Variants in ABHD2 observed in about 807,000 individuals in gnomAD.
ABHD2 encodes the protein abhydrolase domain containing 2, acylglycerol lipase.
In ABHD2, 20 loss-of-function variants were observed where a neutral mutation model predicts 48.1. The ratio of observed to expected loss-of-function variants is 0.42; its 90% CI spans 0.29 to 0.60. The LOEUF (loss-of-function observed/expected upper bound fraction) is 0.60. Among genes scored for constraint, ABHD2 ranks in the 20% least tolerant of loss-of-function variants. The pLI is 0.24. For synonymous variants in ABHD2, 209 were observed against 214.2 expected (o/e 0.98, Z 0.21); for missense variants, 405 against 550.9 (o/e 0.74, Z 2.65).
chr15:89,106,958 T>G lies in ABHD2; in HGVS notation c.-106-6767T>G. Among the ~76,000 whole-genome samples the G allele has an allele frequency of 6.6e-6, 1 of 152,054 alleles. No individual in the cohort carries two copies. Among genetic ancestry groups the G allele is most frequent in the East Asian group, 1.9e-4 (1 of 5,182 alleles). On this transcript the variant is annotated intron_variant, in intron 1 of 10. Coordinates refer to ENST00000352732, the MANE Select transcript of ABHD2 (RefSeq NM_152924.5). The surrounding 1 kb of genome is among the most constrained non-coding windows in gnomAD (Gnocchi z 4.2). ...GACATGGGATGGAAACAGACCATGT[T>G]TTTGGGGTGGTGTGCTGTGGCCTTC...
the ABHD2 span, among the ~76,000 whole-genome samples, chr15:89,051,516 A>T: frequency 3.9e-5 from 6 of 152,276 alleles, 1 homozygote; most frequent in African/African-American, 1.4e-4. Context: ...ACTTTGAGGT[A>T]CTGATATGGT....
chr15:89,048,267 C>A, the ABHD2 span, among the ~76,000 whole-genome samples: 2 of 152,082 alleles, frequency 1.3e-5, no homozygotes, highest in African/African-American at 4.8e-5. Flanking sequence ...CCGAGAGATC[C>A]GCTGTTAGTC....
Position 89,092,089 on chromosome 15 carries a change from G to A in ABHD2, c.-107+3526G>A, listed in dbSNP as rs1901618994. Among the ~76,000 whole-genome samples the A allele has an allele frequency of 6.6e-6, 1 of 152,046 alleles. No homozygotes were observed. Among genetic ancestry groups the A allele is most frequent in the Admixed American group, 6.6e-5 (1 of 15,250 alleles). On this transcript the variant is annotated intron_variant, in intron 1 of 10. Transcript: ENST00000352732. This position sits in a 1 kb window ranked among gnomAD's most constrained non-coding sequence, Gnocchi z 4.4. ...TCATATCTGCAGATTGATTTTTGTT[G>A]TCTTGTCCAGGGCATCATATTTTTG... is the stretch of plus-strand genomic sequence containing the variant.
chr15:89,062,153 T>G, the ABHD2 span, among the ~76,000 whole-genome samples: 1 of 152,106 alleles, frequency 6.6e-6, no homozygotes, highest in Admixed American at 6.5e-5. Flanking sequence ...AAAGAAATCT[T>G]TTGAACCTGA....
intron 3 of ABHD2, chr15:89,135,890 C>T (rs571032555): frequency 3.8e-5 from 24 of 635,950 alleles, no homozygotes; most frequent in African/African-American, 5.5e-5. Flanking sequence ...GGAAGAAGGC[C>T]GAAGGAGGCC....
At chr15:89,057,212 C>G in the ABHD2 span, among the ~76,000 whole-genome samples, 14 of 152,134 alleles carry the variant, frequency 9.2e-5, no homozygotes, top group African/African-American at 2.4e-5. Context: ...CTGCGCTAGG[C>G]CAGCGTGATA....
rs906677096 is a variant in ABHD2 at position 89,104,980 on chromosome 15, G to A, written c.-106-8745G>A. ...GTGTAGATTTTTAAAAATATGTTTA[G>A]GATAAATCTCACAATTCATATGCCT... On this transcript the variant is annotated intron_variant, in intron 1 of 10. Transcript: ENST00000352732. This position sits in a 1 kb window ranked among gnomAD's most constrained non-coding sequence, Gnocchi z 4.4. Among the ~76,000 whole-genome samples, 4 of 151,230 alleles carry A rather than the reference G, an allele frequency of 2.6e-5. No homozygotes were observed. The highest frequency in any genetic ancestry group is 4.4e-5 in the Non-Finnish European group (3 of 67,784).
rs2049680509 is a variant in ABHD2 at position 89,100,246 on chromosome 15, G to A, written c.-107+11683G>A. Reference sequence around the variant, plus strand: ...ATGAAGTCTCTCCTTTGTCTTCTCTGGTGAGCACACCACTCCCAAGTTCAC... The same window carrying A: ...ATGAAGTCTCTCCTTTGTCTTCTCTAGTGAGCACACCACTCCCAAGTTCAC... On this transcript the variant is annotated intron_variant, in intron 1 of 10. Transcript: ENST00000352732. This position sits in a 1 kb window ranked among gnomAD's most constrained non-coding sequence, Gnocchi z 4.4. Among the ~76,000 whole-genome samples, 1 of 151,816 alleles carries A rather than the reference G, an allele frequency of 6.6e-6. No homozygotes were observed. Among genetic ancestry groups the A allele is most frequent in the Non-Finnish European group, 1.5e-5 (1 of 67,974 alleles).
Position 89,183,368 on chromosome 15 carries a change from C to CAAAAAA in ABHD2, c.723-2044_723-2039dup, listed in dbSNP as rs1233981139. On this transcript the variant is annotated intron_variant, in intron 6 of 10. Transcript: ENST00000352732. ...TGGTATTGAAGACATCAGTCCTTTT[C>CAAAAAA]AAAAAAAAAAAAAAAAATATATATA... is the stretch of plus-strand genomic sequence containing the variant. The CAAAAAA allele has an allele frequency of 4.3e-3, 263 of 61,830 alleles. 11 individuals carry two copies. The highest frequency in any genetic ancestry group is 5.9e-3 in the Non-Finnish European group (190 of 31,934). The allele number at this position is 61,830 out of a possible 1,614,324, so 3.8% of individuals were successfully genotyped here.
chr15:89,058,152 G>T, the ABHD2 span, among the ~76,000 whole-genome samples: 2 of 152,126 alleles, frequency 1.3e-5, no homozygotes, highest in Admixed American at 1.3e-4. Flanking sequence ...AAAAGACCAG[G>T]TTGACTTTTA....
At position 89,173,465 on chromosome 15, in the gene ABHD2, CAG is replaced by C. The variant is rs1310074523; in HGVS notation, c.539-2346_539-2345del. Among the ~76,000 whole-genome samples the C allele has an allele frequency of 2.6e-5, 4 of 152,202 alleles. No individual in the cohort carries two copies. The East Asian group carries it at 5.8e-4, about 22-fold the overall frequency. On this transcript the variant is annotated intron_variant, in intron 5 of 10. Transcript: ENST00000352732. This position sits in a 1 kb window ranked among gnomAD's most constrained non-coding sequence, Gnocchi z 6.5. Reference sequence around the variant, plus strand: ...GCACATGCCTGTAACCCCAGCTACTCAGGGGGCTGAGGCAGGAGGATCGCTTG... The same window carrying C: ...GCACATGCCTGTAACCCCAGCTACTCGGGGCTGAGGCAGGAGGATCGCTTG...
Position 89,201,343 on chromosome 15 carries a change from C to T in ABHD2, c.*5920C>T, listed in dbSNP as rs1040200561. 10 of 1,022,672 alleles carry T rather than the reference C, an allele frequency of 9.8e-6. No individual in the cohort carries two copies. The highest frequency in any genetic ancestry group is 2.0e-5 in the Admixed American group (1 of 50,384). The allele number at this position is 1,022,672 out of a possible 1,614,324, so 63.3% of individuals were successfully genotyped here. On this transcript the variant is annotated 3_prime_UTR_variant, in exon 11 of 11. Coordinates refer to ENST00000352732, the MANE Select transcript of ABHD2 (RefSeq NM_152924.5). ...GAAGTGAAGCACTGTGTGGTTGTGGCGTGGGCCCGTCTTGCTTAGATGCAT... is the reference window on the plus strand; with the variant it reads ...GAAGTGAAGCACTGTGTGGTTGTGGTGTGGGCCCGTCTTGCTTAGATGCAT...
At chr15:89,159,961 T>C (rs2050737283) in intron 5 of ABHD2, among the ~76,000 whole-genome samples, 1 of 152,204 alleles carries the variant, frequency 6.6e-6, no homozygotes, top group Non-Finnish European at 1.5e-5. Flanking sequence ...TTTTAACCAT[T>C]GGAGGATAAG....
rs1218938363 is a variant in ABHD2, at chr15:89,201,868, A to AG, written c.*6450dup. The AG allele has an allele frequency of 4.0e-6, 3 of 742,676 alleles. No individual in the cohort carries two copies. The highest frequency in any genetic ancestry group is 6.8e-6 in the Non-Finnish European group (3 of 441,350). 46.0% of individuals were successfully genotyped at this position (742,676 alleles called of 1,614,324 possible). On this transcript the variant is annotated 3_prime_UTR_variant, in exon 11 of 11. Transcript: ENST00000352732. The stretch of plus-strand genomic sequence containing the variant: ...GGGCGGGGGACGATGGCGAGAGGGG[A>AG]GGGGGAGCGAGTTCGCATCTCTCCT...
chr15:89,138,421 A>G (rs898912205), intron 3 of ABHD2, among the ~76,000 whole-genome samples: 1 of 152,236 alleles, frequency 6.6e-6, no homozygotes, highest in Non-Finnish European at 1.5e-5. Context: ...AAGCACTTCC[A>G]TCCTCTCTTG....
At chr15:89,115,424 GTGTGTGTT>G (rs2049943537) in intron 2 of ABHD2, among the ~76,000 whole-genome samples, 1 of 85,440 alleles carries the variant, frequency 1.2e-5, no homozygotes, top group African/African-American at 4.4e-5. Flanking sequence ...GTGTGTGTGT[GTGTGTGTT>G]TTGTATATAA....
rs1275264378 is a variant in ABHD2 at position 89,167,326 on chromosome 15, A to G, written c.539-8486A>G. ...TTAAACAGTTGAGTTTTATAATGGC[A>G]GAAGGGCACAATGGGAAGGGAGGAG... On this transcript the variant is annotated intron_variant, in intron 5 of 10. Transcript: ENST00000352732. The surrounding 1 kb of genome is among the most constrained non-coding windows in gnomAD (Gnocchi z 5.5). 1.3e-5 allele frequency among the ~76,000 whole-genome samples: 2 copies of G among 152,194 alleles called. No individual in the cohort carries two copies. The highest frequency in any genetic ancestry group is 2.9e-5 in the Non-Finnish European group (2 of 68,036).
chr15:89,073,994 G>T, the ABHD2 span, among the ~76,000 whole-genome samples: 1 of 152,200 alleles, frequency 6.6e-6, no homozygotes, highest in African/African-American at 2.4e-5. Context: ...AAAGGGCTTT[G>T]GGATTGGCGG....
Position 89,178,929 on chromosome 15 carries a change from C to T in ABHD2, c.722+2934C>T, listed in dbSNP as rs145947393. On this transcript the variant is annotated intron_variant, in intron 6 of 10. Transcript: ENST00000352732. Reference sequence around the variant, plus strand: ...CTTTCCCAAGAAAGCCCTCAACAACCTTATGTTACAGAATTGACCAGTAAT... The same window carrying T: ...CTTTCCCAAGAAAGCCCTCAACAACTTTATGTTACAGAATTGACCAGTAAT... Among the ~76,000 whole-genome samples, 448 of 152,282 alleles carry T rather than the reference C, an allele frequency of 2.9e-3. 2 individuals carry two copies. The highest frequency in any genetic ancestry group is 1.0e-2 in the African/African-American group (415 of 41,550).
Sources: gnomAD v4.1 joint callset for allele counts (sites outside exome capture counted in the v4.1 genomes callset) on GRCh38, gnomAD v4.1.1 for gene constraint, Gnocchi (gnomAD v3.1) non-coding constraint, MANE v1.5 for transcripts, NCBI Gene and HGNC (gene_info 2026-07-23, HGNC 2026-07-21) for gene names.